The following RELN variants were observed in gnomAD, a reference collection of about 807,000 sequenced individuals.
The protein encoded by RELN is reelin.
Under a neutral mutation model 427.6 loss-of-function variants are expected in RELN, and 108 were observed. The ratio of observed to expected loss-of-function variants is 0.25; its 90% CI spans 0.22 to 0.30. The LOEUF is 0.30. Among genes scored for constraint, RELN ranks in the 10% least tolerant of loss-of-function variants. The pLI is 1.00. For missense variants in RELN, 3,715 were observed against 4,302.8 expected (o/e 0.86, Z 3.82); for synonymous variants, 1,524 against 1,513.4 (o/e 1.01, Z -0.16).
Position 103,630,037 on chromosome 7 carries a change from T to C in RELN, c.2605A>G (p.Ile869Val), listed in dbSNP as rs2117333059. ...IIMTSVLFNS[I>V]SLDFTNLVEV... is the part of the protein sequence containing the mutation. ...ACAAGATTGGTAAAGTCAAGACTAATGCTGTTGAAAAGCACAGATGTCATG... is the reference window on the plus strand; with the variant it reads ...ACAAGATTGGTAAAGTCAAGACTAACGCTGTTGAAAAGCACAGATGTCATG... Residue 869 changes from isoleucine to valine, a missense_variant, in exon 20 of 65, where the codon ATT becomes GTT. Physicochemically the swap from Ile to Val is conservative, Grantham distance 29 (BLOSUM62 3). Coordinates refer to ENST00000428762, the MANE Select transcript of RELN (RefSeq NM_005045.4). 6.2e-7 allele frequency: 1 copy of C among 1,613,832 alleles called. No individual in the cohort carries two copies. The highest frequency in any genetic ancestry group is 8.5e-7 in the Non-Finnish European group (1 of 1,179,752).
rs544001725 is a variant in RELN at position 103,612,454 on chromosome 7, T to C, written c.2703-651A>G. 2.0e-5 allele frequency among the ~76,000 whole-genome samples: 3 copies of C among 152,204 alleles called. No homozygotes were observed. The East Asian group carries it at 5.8e-4, about 29-fold the overall frequency. ...CCATGCCCGGCTAATTTTGTATTTT[T>C]AGTAGAGACAGTGTTTCTCCATGTT... On this transcript the variant is annotated intron_variant, in intron 20 of 64. Coordinates refer to ENST00000428762, the MANE Select transcript of RELN (RefSeq NM_005045.4).
Position 103,498,090 on chromosome 7 carries a change from G to A in RELN, c.8830C>T (p.Leu2944Phe), listed in dbSNP as rs1828895861. 1.9e-6 allele frequency: 3 copies of A among 1,614,114 alleles called. No homozygotes were observed. Among genetic ancestry groups the A allele is most frequent in the Non-Finnish European group, 2.5e-6 (3 of 1,179,994 alleles). The part of the protein sequence containing the change: ...VRQAVTQDLD[L>F]RGAKFLQYWG... ...AAATTCACTTACTTTGCACCTCGAA[G>A]ATCCAAATCTTGTGTAACCGCTTGT... Residue 2944 changes from leucine to phenylalanine, a missense_variant, in exon 54 of 65, where the codon CTT becomes TTT. Leu to Phe is a conservative substitution (Grantham distance 22). Transcript: ENST00000428762.
Position 103,917,100 on chromosome 7 carries a change from A to T in RELN, c.312T>A (p.Ile104=). 6.2e-7 allele frequency: 1 copy of T among 1,613,734 alleles called. No homozygotes were observed. ...TSTSVQASQS[I]GGSSAFGFGI... ...CAAATCCGAAAGCACTGGAACCTCCAATGCTCTGTGATGCCTGAACACTTG... is the reference window on the plus strand; with the variant it reads ...CAAATCCGAAAGCACTGGAACCTCCTATGCTCTGTGATGCCTGAACACTTG... The change falls in exon 2 of 65, where the codon ATT becomes ATA. Residue 104 remains isoleucine, a synonymous_variant. Coordinates refer to ENST00000428762, the MANE Select transcript of RELN (RefSeq NM_005045.4).
intron 19 of RELN, among the ~76,000 whole-genome samples, chr7:103,634,659 A>T (rs113846543): frequency 5.9e-5 from 9 of 152,224 alleles, no homozygotes; most frequent in African/African-American, 2.2e-4. Flanking sequence ...CAGGCTAAAA[A>T]ATTTCCTTGT....
chr7:103,923,005 T>C (rs1795650130), intron 1 of RELN, among the ~76,000 whole-genome samples: 1 of 152,164 alleles, frequency 6.6e-6, no homozygotes, highest in Admixed American at 6.6e-5. Flanking sequence ...GCATTAGTGA[T>C]GATGCACCAA....
At position 103,822,686 on chromosome 7, in the gene RELN, G is replaced by A. The variant is rs1397542147; in HGVS notation, c.473+10851C>T. Among the ~76,000 whole-genome samples the A allele has an allele frequency of 2.2e-3, 2 of 928 alleles. 1 individual carries two copies. The highest frequency in any genetic ancestry group is 2.3e-3 in the African/African-American group (2 of 860). 0.6% of individuals were successfully genotyped at this position (928 alleles called of 152,430 possible). ...TCCCAGCACTTTGGGAGGCCGAGGC[G>A]GGTGGATCATGAGGTCAGGAGATCG... is the stretch of plus-strand genomic sequence containing the variant. On this transcript the variant is annotated intron_variant, in intron 3 of 64. Coordinates refer to ENST00000428762, the MANE Select transcript of RELN (RefSeq NM_005045.4).
intron 4 of RELN, among the ~76,000 whole-genome samples, chr7:103,760,300 C>G (rs1012327492): frequency 3.3e-4 from 50 of 151,904 alleles, no homozygotes; most frequent in African/African-American, 1.1e-3. Flanking sequence ...TGCATATGCT[C>G]TTTCAAAAGT....
intron 2 of RELN, among the ~76,000 whole-genome samples, chr7:103,835,924 A>G (rs1156412528): frequency 1.3e-5 from 2 of 149,612 alleles, no homozygotes; most frequent in Non-Finnish European, 3.0e-5. Context: ...CACACTGTTA[A>G]TATTTCTCTT....
At chr7:103,923,960 T>TA (rs1795670845) in intron 1 of RELN, among the ~76,000 whole-genome samples, 1 of 152,176 alleles carries the variant, frequency 6.6e-6, no homozygotes, top group Admixed American at 6.6e-5. Context: ...ATAATTACTA[T>TA]AATTATACCC....
At chr7:103,630,872 T>TG (rs1414489346) in intron 19 of RELN, among the ~76,000 whole-genome samples, 4 of 150,234 alleles carry the variant, frequency 2.7e-5, no homozygotes, top group African/African-American at 4.9e-5. Context: ...TTTTTTTTTT[T>TG]TTGTTTTTTA....
At chr7:103,632,691 T>C (rs902778406) in intron 19 of RELN, among the ~76,000 whole-genome samples, 2 of 152,160 alleles carry the variant, frequency 1.3e-5, no homozygotes, top group East Asian at 1.9e-4. Flanking sequence ...TCAATTTTCC[T>C]TTTGTTTGTA....
chr7:103,704,019 G>C (rs528971614), intron 8 of RELN, among the ~76,000 whole-genome samples: 1 of 152,306 alleles, frequency 6.6e-6, no homozygotes, highest in South Asian at 2.1e-4. Context: ...CACAGTCAAA[G>C]AAATCTGGCC....
At chr7:103,721,321 G>T (rs1307483359) in intron 8 of RELN, among the ~76,000 whole-genome samples, 1 of 150,910 alleles carries the variant, frequency 6.6e-6, no homozygotes, top group Non-Finnish European at 1.5e-5. Flanking sequence ...TCAAATCCGT[G>T]CTTTAAATAA....
At chr7:103,548,149 CA>C (rs1322492680) in intron 41 of RELN, among the ~76,000 whole-genome samples, 2 of 152,166 alleles carry the variant, frequency 1.3e-5, no homozygotes, top group African/African-American at 4.8e-5. Context: ...ACTCTAAAAG[CA>C]CACCAAGGTG....
intron 42 of RELN, among the ~76,000 whole-genome samples, chr7:103,544,921 G>A (rs372924755): frequency 8.5e-5 from 13 of 152,276 alleles, no homozygotes; most frequent in African/African-American, 3.1e-4. Flanking sequence ...AGGTCTTGTA[G>A]CATGTATCAG....
At chr7:103,907,199 T>G (rs1795226644) in intron 2 of RELN, among the ~76,000 whole-genome samples, 1 of 151,142 alleles carries the variant, frequency 6.6e-6, no homozygotes, top group Non-Finnish European at 1.5e-5. Context: ...GGTTGGATCA[T>G]GAGGTCAGGA....
chr7:103,966,349 A>G lies in RELN; in HGVS notation c.226+22782T>C, dbSNP rs1014212015. ...ATTCACACACACCACACTCACCCAGACCGAAACAATTAGATACATGGATGA... is the reference window on the plus strand; with the variant it reads ...ATTCACACACACCACACTCACCCAGGCCGAAACAATTAGATACATGGATGA... On this transcript the variant is annotated intron_variant, in intron 1 of 64. Coordinates refer to ENST00000428762, the MANE Select transcript of RELN (RefSeq NM_005045.4). Among the ~76,000 whole-genome samples, 9 of 152,302 alleles carry G rather than the reference A, an allele frequency of 5.9e-5. No individual in the cohort carries two copies. The East Asian group carries it at 1.7e-3, about 29-fold the overall frequency.
intron 2 of RELN, among the ~76,000 whole-genome samples, chr7:103,843,127 G>C (rs536890303): frequency 1.3e-5 from 2 of 152,120 alleles, no homozygotes; most frequent in African/African-American, 4.8e-5. Context: ...AAGAGTAAGT[G>C]AGTGTACGGC....
intron 61 of RELN, 109 bp from the exon 62 acceptor site, chr7:103,483,959 A>G (rs1420238195): frequency 9.2e-7 from 1 of 1,089,084 alleles, no homozygotes; most frequent in Non-Finnish European, 1.3e-6. Flanking sequence ...GGCTCACTAC[A>G]ACGTCTGCCT....
Sources: allele counts gnomAD v4.1 joint callset (sites outside exome capture counted in the v4.1 genomes callset), GRCh38; gene constraint gnomAD v4.1.1; transcripts MANE v1.5; gene names NCBI Gene and HGNC (gene_info 2026-07-23, HGNC 2026-07-21).